A2ML1: variants seen among roughly 807,000 people sequenced by gnomAD.
The protein encoded by A2ML1 is alpha-2-macroglobulin-like protein 1.
In A2ML1, 161 loss-of-function variants were observed where a neutral mutation model predicts 181.9. The ratio of observed to expected loss-of-function variants is 0.89; its 90% confidence interval spans 0.78 to 1.01. The LOEUF (loss-of-function observed/expected upper bound fraction) is 1.01, where lower values mean the gene tolerates loss of function less well. A2ML1 is among the 50% of genes least tolerant of loss of function. The pLI, the probability that A2ML1 is intolerant of heterozygous loss-of-function variation, is 0.00. For synonymous variants in A2ML1, 663 were observed against 666.8 expected, an observed-to-expected ratio of 0.99 and a Z score of 0.09; for missense variants, 1,670 against 1,768.1, an observed-to-expected ratio of 0.94 and a Z score of 1.00.
chr12:8,847,551 T>G lies in A2ML1; in HGVS notation c.1686T>G (p.Val562=), dbSNP rs12296765. Residue 562 remains valine, a splice_region_variant and synonymous_variant, in exon 15 of 36, where the codon GTT becomes GTG. Transcript: ENST00000299698. Reference sequence around the variant, plus strand: ...AGTTATACCTTTCCCTTCCCCAGGTTTCCCTTGGCTTCTCCCCCTCCCAGC... The same window carrying G: ...AGTTATACCTTTCCCTTCCCCAGGTGTCCCTTGGCTTCTCCCCCTCCCAGC... ...FSVEMCFDNQ[V]SLGFSPSQQL... The G allele has an allele frequency of 1.9e-3, 3,105 of 1,607,200 alleles. 69 individuals carry two copies. In the African/African-American group the frequency reaches 0.037, roughly 19 times the overall value.
intron 15 of A2ML1, 150 bp from the exon 16 acceptor site, chr12:8,848,570 G>C: frequency 1.7e-6 from 1 of 597,462 alleles, no homozygotes; most frequent in Non-Finnish European, 2.7e-6. Context: ...AGTGAGAAAG[G>C]TAATTATGAC....
chr12:8,841,830 T>C (rs1943490239), intron 11 of A2ML1, among the ~76,000 whole-genome samples: 1 of 152,182 alleles, frequency 6.6e-6, no homozygotes, highest in Admixed American at 6.5e-5. Context: ...GAGGAATAGG[T>C]GACTCAGAGT....
chr12:8,852,039 G>T lies in A2ML1; in HGVS notation c.2463+27G>T. On this transcript the variant is annotated intron_variant, in intron 19 of 35. Coordinates refer to ENST00000299698, the MANE Select transcript of A2ML1 (RefSeq NM_144670.6). This position sits in a 1 kb window ranked among gnomAD's most constrained non-coding sequence, Gnocchi z 4.2. ...TGAGAGCTGGGGATACAGGAATCAG[G>T]TGTCAGCCCTGGAATCACACCTCCC... 6.2e-7 allele frequency: 1 copy of T among 1,608,872 alleles called. No individual in the cohort carries two copies. The highest frequency in any genetic ancestry group is 1.3e-5 in the African/African-American group (1 of 74,924).
intron 14 of A2ML1, among the ~76,000 whole-genome samples, chr12:8,847,261 A>AG: frequency 6.6e-6 from 1 of 150,478 alleles, no homozygotes; most frequent in Non-Finnish European, 1.5e-5. Context: ...AAAAAAAAAA[A>AG]AAAGCCATAC....
intron 14 of A2ML1, 89 bp from the exon 15 acceptor site, chr12:8,847,459 TG>T: frequency 7.1e-7 from 1 of 1,416,060 alleles, no homozygotes; most frequent in Non-Finnish European, 9.5e-7. Context: ...ATGTCATAGC[TG>T]GGGCATATTT....
intron 26 of A2ML1, among the ~76,000 whole-genome samples, chr12:8,859,925 C>A (rs2377609): frequency 0.45 from 67,995 of 151,922 alleles, 15,858 homozygotes; most frequent in East Asian, 0.77. Flanking sequence ...CTCTGTGTAG[C>A]CAAGGTTAGT....
Position 8,868,347 on chromosome 12 carries a change from A to G in A2ML1, c.4051A>G (p.Ile1351Val). The G allele has an allele frequency of 6.2e-7, 1 of 1,612,606 alleles. No homozygotes were observed. Among genetic ancestry groups the G allele is most frequent in the Non-Finnish European group, 8.5e-7 (1 of 1,179,612 alleles). Residue 1351 changes from isoleucine (I) to valine (V), a missense_variant, in exon 31 of 36, where the codon ATT (isoleucine) becomes GTT (valine). Ile to Val is a conservative substitution (Grantham distance 29, BLOSUM62 3). Transcript: ENST00000299698. ...TTCACCTCGATCCTTGACTCTCACT[A>G]TTCACACCAGGTGATTAAAGCTGGG... is the stretch of plus-strand genomic sequence containing the variant. ...PTSPRSLTLT[I>V]HTSYVGSRSS... is the part of the protein sequence containing the mutation.
chr12:8,823,957 G>T, intron 3 of A2ML1, 75 bp downstream of exon 3: 1 of 1,496,074 alleles, frequency 6.7e-7, no homozygotes, highest in Non-Finnish European at 8.9e-7. Context: ...GGGGATTTGT[G>T]GTTTGACAGT....
rs1944755646 is a variant in A2ML1, at chr12:8,874,982, A to G, written c.4336A>G (p.Thr1446Ala). The change falls in exon 35 of 36, where the codon ACA (threonine) becomes GCA (alanine). Residue 1446 changes from threonine (T) to alanine (A), a missense_variant. Coordinates refer to ENST00000299698, the MANE Select transcript of A2ML1 (RefSeq NM_144670.6). ...YDYYLPDEQA[T>A]IQYSDPCE ...ATTTCATTTCACAGATGAACAGGCAACAATTCAGTATTCTGATCCCTGTGA... is the reference window on the plus strand; with the variant it reads ...ATTTCATTTCACAGATGAACAGGCAGCAATTCAGTATTCTGATCCCTGTGA... The G allele has an allele frequency of 6.2e-7, 1 of 1,614,174 alleles. No individual in the cohort carries two copies. The highest frequency in any genetic ancestry group is 2.2e-5 in the East Asian group (1 of 44,882).
chr12:8,823,302 G>A lies in A2ML1; in HGVS notation c.183G>A (p.Lys61=), dbSNP rs1490591630. Residue 61 remains lysine, a synonymous_variant, in exon 2 of 36, where the codon AAG becomes AAA. Transcript: ENST00000299698. The stretch of plus-strand genomic sequence containing the variant: ...CGGTTACTCTGGAGACCAAGGACAA[G>A]ACCCAGAAGTTGCTAGAATACTCTG... ...KFTVTLETKD[K]TQKLLEYSGL... 9 of 1,614,160 alleles carry A rather than the reference G, an allele frequency of 5.6e-6. No individual in the cohort carries two copies. The East Asian group carries it at 1.3e-4, about 24-fold the overall frequency.
At chr12:8,834,571 G>A in intron 4 of A2ML1, 91 bp from the exon 5 acceptor site, 1 of 1,484,804 alleles carries the variant, frequency 6.7e-7, no homozygotes, top group Non-Finnish European at 9.3e-7. Context: ...AGAGGGAAAG[G>A]AAGAATTCTT....
intron 5 of A2ML1, among the ~76,000 whole-genome samples, chr12:8,835,302 G>A (rs749878800): frequency 6.6e-6 from 1 of 152,308 alleles, no homozygotes; most frequent in African/African-American, 2.4e-5. Flanking sequence ...CCAAATGGGG[G>A]CTGGATCTAT....
At chr12:8,859,414 G>T (rs1356838877) in intron 26 of A2ML1, among the ~76,000 whole-genome samples, 1 of 151,970 alleles carries the variant, frequency 6.6e-6, no homozygotes, top group Non-Finnish European at 1.5e-5. Flanking sequence ...GGGGCCAGGC[G>T]CAGTGGCTCA....
chr12:8,836,467 G>T (rs1199304137), intron 7 of A2ML1, 128 bp downstream of exon 7: 2 of 644,472 alleles, frequency 3.1e-6, no homozygotes, highest in Non-Finnish European at 5.3e-6. Flanking sequence ...TCAGAGTCAT[G>T]GCTTATCCAA....
chr12:8,824,455 A>T (rs1030875939), intron 3 of A2ML1, among the ~76,000 whole-genome samples: 3 of 151,938 alleles, frequency 2.0e-5, no homozygotes, highest in African/African-American at 7.3e-5. Context: ...GTACATGTGT[A>T]TCCATCACCT....
intron 5 of A2ML1, among the ~76,000 whole-genome samples, 194 bp from the exon 6 acceptor site, chr12:8,835,313 A>G (rs1943235483): frequency 1.3e-5 from 2 of 152,230 alleles, no homozygotes; most frequent in African/African-American, 4.8e-5. Context: ...CTGGATCTAT[A>G]GAAATATTTA....
rs1301155053 is a variant in A2ML1, at chr12:8,848,894, G to A, written c.2008G>A (p.Asp670Asn). ...IWRPSFSEGT[D>N]LFSFFRDVGL... ...GAGGCCCTCGTTCTCTGAAGGCACG[G>A]ACCTTTTCAGCTTTTTCCGGGTAGG... is the stretch of plus-strand genomic sequence containing the variant. The change falls in exon 16 of 36, where the codon GAC (aspartate) becomes AAC (asparagine). Residue 670 changes from aspartate (D) to asparagine (N), a missense_variant. Coordinates refer to ENST00000299698, the MANE Select transcript of A2ML1 (RefSeq NM_144670.6). 1.2e-6 allele frequency: 2 copies of A among 1,612,488 alleles called. No homozygotes were observed. Among genetic ancestry groups the A allele is most frequent in the African/African-American group, 1.3e-5 (1 of 74,796 alleles).
rs781594244 is a variant in A2ML1 at position 8,860,309 on chromosome 12, C to T, written c.3265-572C>T. Among the ~76,000 whole-genome samples, 4 of 152,274 alleles carry T rather than the reference C, an allele frequency of 2.6e-5. No homozygotes were observed. In the East Asian group the frequency reaches 7.7e-4, roughly 29 times the overall value. On this transcript the variant is annotated intron_variant, in intron 26 of 35. Coordinates refer to ENST00000299698, the MANE Select transcript of A2ML1 (RefSeq NM_144670.6). ...TCCTCCCCACCGACTTGGCCTCAAG[C>T]TGGGATAATAGGCATAAACCACTGT... is the stretch of plus-strand genomic sequence containing the variant.
downstream of A2ML1, among the ~76,000 whole-genome samples, chr12:8,877,359 G>A (rs991580492): frequency 2.6e-5 from 4 of 152,150 alleles, no homozygotes. Context: ...AAACTAAAGA[G>A]CTTCTGCACA....
Sources: allele counts gnomAD v4.1 joint callset (sites outside exome capture counted in the v4.1 genomes callset), GRCh38; gene constraint gnomAD v4.1.1; non-coding constraint Gnocchi (gnomAD v3.1); transcripts MANE v1.5; gene names NCBI Gene and HGNC (gene_info 2026-07-23, HGNC 2026-07-21).